The following NAALADL2 variants were observed in gnomAD, a reference collection of about 807,000 sequenced individuals.
The protein encoded by NAALADL2 is N-acetylated alpha-linked acidic dipeptidase like 2.
Under a neutral mutation model 87.2 loss-of-function variants are expected in NAALADL2, and 76 were observed. That is an observed-to-expected ratio of 0.87 (90% CI 0.72 to 1.05). NAALADL2 has a LOEUF of 1.05. Among genes scored for constraint, NAALADL2 ranks in the 50% least tolerant of loss-of-function variants. NAALADL2 has a pLI of 0.00. For synonymous variants in NAALADL2, 354 were observed against 331.0 expected (o/e 1.07, Z -0.75); for missense variants, 1,089 against 945.8 (o/e 1.15, Z -1.99).
intron 5 of NAALADL2, among the ~76,000 whole-genome samples, chr3:175,338,659 AC>A (rs58360637): frequency 0.034 from 4,720 of 138,688 alleles, 76 homozygotes; most frequent in Middle Eastern, 0.043. Context: ...ACACACACAC[AC>A]ACAAACAAAC....
At chr3:175,717,560 C>T (rs113994243) in intron 11 of NAALADL2, among the ~76,000 whole-genome samples, 7 of 151,496 alleles carry the variant, frequency 4.6e-5, no homozygotes, top group African/African-American at 7.3e-5. Flanking sequence ...GACGTAGTGG[C>T]GCAGGCCTGT....
chr3:174,844,749 G>T (rs1724398150), intron 3 of NAALADL2, among the ~76,000 whole-genome samples: 1 of 136,654 alleles, frequency 7.3e-6, no homozygotes, highest in African/African-American at 2.8e-5. Flanking sequence ...TAGATAGTCT[G>T]TTATTGGCAT....
chr3:175,346,846 C>T (rs536829521), intron 5 of NAALADL2, among the ~76,000 whole-genome samples: 1 of 152,262 alleles, frequency 6.6e-6, no homozygotes, highest in South Asian at 2.1e-4. Context: ...ATTCAAGAAA[C>T]TAGATGCATG....
chr3:175,231,963 A>AT (rs1369745901), intron 2 of NAALADL2, among the ~76,000 whole-genome samples: 1 of 152,126 alleles, frequency 6.6e-6, no homozygotes, highest in Non-Finnish European at 1.5e-5. Context: ...TAGAGAACAG[A>AT]TAAAGTAACA....
chr3:174,883,149 G>A (rs946806673), intron 1 of NAALADL2, among the ~76,000 whole-genome samples: 6 of 151,902 alleles, frequency 3.9e-5, no homozygotes, highest in Admixed American at 6.6e-5. Flanking sequence ...TTATATTCTA[G>A]CCATGCTAGC....
chr3:174,508,124 T>TTTGTTTTTTTTTA (rs1719342277), intron 1 of NAALADL2, among the ~76,000 whole-genome samples: 1 of 128,526 alleles, frequency 7.8e-6, no homozygotes, highest in Non-Finnish European at 1.8e-5. Flanking sequence ...GTTTTTTTTT[T>TTTGTTTTTTTTTA]TTTTTTTGAG....
intron 3 of NAALADL2, among the ~76,000 whole-genome samples, chr3:174,807,619 A>G (rs962394486): frequency 6.6e-6 from 1 of 152,270 alleles, no homozygotes; most frequent in Non-Finnish European, 1.5e-5. Context: ...TGGAAATACT[A>G]GAACTAGAAA....
At chr3:175,343,655 G>GGTTTTTTTTTTTTTTTTT (rs1762797054) in intron 5 of NAALADL2, among the ~76,000 whole-genome samples, 1 of 64,726 alleles carries the variant, frequency 1.5e-5, no homozygotes, top group Non-Finnish European at 3.3e-5. Flanking sequence ...TCTTGATCAT[G>GGTTTTTTTTTTTTTTTTT]TTTTTTTTTT....
chr3:175,236,948 A>T (rs752731712), intron 3 of NAALADL2, among the ~76,000 whole-genome samples: 5 of 152,176 alleles, frequency 3.3e-5, no homozygotes, highest in Admixed American at 6.6e-5. Context: ...GCAATTAGAT[A>T]GCCTCACCTT....
chr3:174,441,393 C>T (rs532695483), intron 1 of NAALADL2, among the ~76,000 whole-genome samples: 15 of 152,298 alleles, frequency 9.8e-5, no homozygotes, highest in African/African-American at 2.2e-4. Flanking sequence ...AGCTCCGAGT[C>T]CCCGCTTCTG....
At chr3:175,153,521 T>A (rs1731863942) in intron 2 of NAALADL2, among the ~76,000 whole-genome samples, 1 of 152,216 alleles carries the variant, frequency 6.6e-6, no homozygotes, top group South Asian at 2.1e-4. Flanking sequence ...CTTTCTGCTG[T>A]AGGGACACTG....
Position 175,777,280 on chromosome 3 carries a change from T to G in NAALADL2, c.2189+21862T>G, listed in dbSNP as rs188376459. On this transcript the variant is annotated intron_variant, in intron 13 of 13. Coordinates refer to ENST00000454872, the MANE Select transcript of NAALADL2 (RefSeq NM_207015.3). ...ATTGAAATTAAAACCCTTTCGATAA[T>G]GTACTTTTCTAAATCCTGACTCTAC... is the stretch of plus-strand genomic sequence containing the variant. Among the ~76,000 whole-genome samples, 212 of 152,072 alleles carry G rather than the reference T, an allele frequency of 1.4e-3. 1 individual carries two copies. Among genetic ancestry groups the G allele is most frequent in the African/African-American group, 4.9e-3 (205 of 41,524 alleles).
chr3:175,131,738 A>AC (rs1365184042), intron 2 of NAALADL2, among the ~76,000 whole-genome samples: 1 of 150,088 alleles, frequency 6.7e-6, no homozygotes, highest in Non-Finnish European at 1.5e-5. Context: ...GGCGCCCCTC[A>AC]CCCCCCGGAC....
chr3:175,065,705 A>C (rs1360814332), intron 1 of NAALADL2, among the ~76,000 whole-genome samples: 1 of 152,220 alleles, frequency 6.6e-6, no homozygotes, highest in African/African-American at 2.4e-5. Flanking sequence ...ATCCTTGTCA[A>C]AGGTCATGGA....
At chr3:175,207,793 C>T (rs1477458234) in intron 2 of NAALADL2, among the ~76,000 whole-genome samples, 3 of 152,042 alleles carry the variant, frequency 2.0e-5, no homozygotes, top group Non-Finnish European at 4.4e-5. Flanking sequence ...AAGGAAGCCG[C>T]TCTAAAAGAA....
At chr3:174,944,761 A>C (rs1739152112) in intron 1 of NAALADL2, among the ~76,000 whole-genome samples, 1 of 152,062 alleles carries the variant, frequency 6.6e-6, no homozygotes, top group African/African-American at 2.4e-5. Flanking sequence ...TCACGAGGGG[A>C]TCTCCTCACC....
intron 9 of NAALADL2, among the ~76,000 whole-genome samples, chr3:175,524,537 A>G (rs1733122276): frequency 6.6e-6 from 1 of 152,162 alleles, no homozygotes; most frequent in Non-Finnish European, 1.5e-5. Context: ...TAAGTAGTAC[A>G]TGATTTCTCT....
At chr3:175,485,445 G>A (rs1195723823) in intron 9 of NAALADL2, among the ~76,000 whole-genome samples, 1 of 152,180 alleles carries the variant, frequency 6.6e-6, no homozygotes, top group Non-Finnish European at 1.5e-5. Flanking sequence ...TGAAGAGCAA[G>A]GAAGCCAGTA....
intron 9 of NAALADL2, among the ~76,000 whole-genome samples, chr3:175,544,427 C>T (rs555098375): frequency 1.3e-5 from 2 of 152,124 alleles, no homozygotes; most frequent in Admixed American, 6.5e-5. Flanking sequence ...GGTTTTGAGT[C>T]CTGATTGTTA....
Sources: allele counts gnomAD v4.1 joint callset (sites outside exome capture counted in the v4.1 genomes callset), GRCh38; gene constraint gnomAD v4.1.1; transcripts MANE v1.5; gene names NCBI Gene and HGNC (gene_info 2026-07-23, HGNC 2026-07-21).